The following SETD5 variants were observed in gnomAD, a reference collection of about 807,000 sequenced individuals.
The protein encoded by SETD5 is histone-lysine N-methyltransferase SETD5.
Under a neutral mutation model 153.3 loss-of-function variants are expected in SETD5, and 44 were observed. The ratio of observed to expected loss-of-function variants is 0.29; its 90% CI spans 0.23 to 0.37. The LOEUF (loss-of-function observed/expected upper bound fraction) is 0.37. SETD5 is among the 10% of genes least tolerant of loss of function. SETD5 has a pLI of 1.00. For missense variants in SETD5, 1,544 were observed against 1,768.0 expected (o/e 0.87, Z 2.27); for synonymous variants, 716 against 645.2 (o/e 1.11, Z -1.66).
At chr3:9,453,969 G>A (rs373179534) in intron 17 of SETD5, 101 bp downstream of exon 17, 4 of 1,299,824 alleles carry the variant, frequency 3.1e-6, no homozygotes. Flanking sequence ...GAAATGGCGT[G>A]TTTTCTAAAT....
chr3:9,442,300 C>A, intron 10 of SETD5, 55 bp downstream of exon 10: 1 of 1,247,692 alleles, frequency 8.0e-7, no homozygotes, highest in Non-Finnish European at 1.2e-6. Context: ...GACAAGCTTA[C>A]TGAAGAAGCA....
In SETD5 at chr3:9,464,452, A is replaced by T. The variant is rs1470515860; in HGVS notation, c.2504A>T (p.Lys835Met). 1 of 1,612,200 alleles carries T rather than the reference A, an allele frequency of 6.2e-7. No individual in the cohort carries two copies. Among genetic ancestry groups the T allele is most frequent in the Admixed American group, 1.7e-5 (1 of 60,000 alleles). Residue 835 changes from lysine to methionine, a missense_variant, in exon 18 of 23, where the codon AAG becomes ATG. By Grantham distance (95) the Lys-to-Met change is moderately conservative. Coordinates refer to ENST00000402198, the MANE Select transcript of SETD5 (RefSeq NM_001080517.3). ...TTGTTGAGCCCATTAAAGAAATGGAAGTCTCGCTATCTGATGGAGCAGAAT... is the reference window on the plus strand; with the variant it reads ...TTGTTGAGCCCATTAAAGAAATGGATGTCTCGCTATCTGATGGAGCAGAAT... ...ADLLSPLKKWKSRYLMEQNVT... is the reference protein window; with the variant it reads ...ADLLSPLKKWMSRYLMEQNVT...
intron 1 of SETD5, among the ~76,000 whole-genome samples, chr3:9,407,919 G>C (rs984488388): frequency 3.3e-5 from 5 of 151,822 alleles, no homozygotes; most frequent in Non-Finnish European, 4.4e-5. Context: ...AGAATCGCTC[G>C]AACCCAGGTG....
intron 1 of SETD5, among the ~76,000 whole-genome samples, chr3:9,416,260 T>G (rs1464877604): frequency 6.6e-6 from 1 of 152,184 alleles, no homozygotes; most frequent in Non-Finnish European, 1.5e-5. Context: ...GCCATCTACC[T>G]CAAATGTGAG....
chr3:9,461,515 AAATAATAAT>A (rs970503720), intron 17 of SETD5, among the ~76,000 whole-genome samples: 1 of 152,166 alleles, frequency 6.6e-6, no homozygotes, highest in Admixed American at 6.5e-5. Context: ...TAAAGGTGAA[AAATAATAAT>A]AATAAAAGAT....
At chr3:9,405,472 T>TA (rs1275606743) in intron 1 of SETD5, among the ~76,000 whole-genome samples, 5 of 152,236 alleles carry the variant, frequency 3.3e-5, no homozygotes, top group Admixed American at 3.3e-4. Flanking sequence ...CTGCATAATT[T>TA]ATGTTCTTCA....
chr3:9,448,818 G>A (rs1450619312), intron 16 of SETD5, among the ~76,000 whole-genome samples, 188 bp downstream of exon 16: 1 of 152,154 alleles, frequency 6.6e-6, no homozygotes, highest in Non-Finnish European at 1.5e-5. Flanking sequence ...AGACTGTGGT[G>A]GAATGAATGT....
At chr3:9,420,662 G>A (rs925053596) in intron 1 of SETD5, among the ~76,000 whole-genome samples, 6 of 151,858 alleles carry the variant, frequency 4.0e-5, no homozygotes, top group African/African-American at 9.7e-5. Context: ...TTTCAGTCCC[G>A]AACCCCTAAA....
At position 9,453,730 on chromosome 3, in the gene SETD5, C is replaced by T. The variant is rs369109509; in HGVS notation, c.2347-9C>T. ...TTATTGATAATTCTCTGGTTCTTTT[C>T]AATTATAGCGCTGGATAAAACAAGC... is the stretch of plus-strand genomic sequence containing the variant. On this transcript the variant is annotated splice_polypyrimidine_tract_variant and intron_variant, in intron 16 of 22. Transcript: ENST00000402198. 7.0e-6 allele frequency: 11 copies of T among 1,571,768 alleles called. No homozygotes were observed. Among genetic ancestry groups the T allele is most frequent in the South Asian group, 2.4e-5 (2 of 83,836 alleles).
intron 1 of SETD5, among the ~76,000 whole-genome samples, chr3:9,399,302 ATAT>A (rs2034338326): frequency 6.6e-6 from 1 of 152,196 alleles, no homozygotes; most frequent in South Asian, 2.1e-4. Context: ...TGTTAATTTT[ATAT>A]TATTAATGTT....
chr3:9,416,841 A>G (rs568677665), intron 1 of SETD5, among the ~76,000 whole-genome samples: 2 of 152,284 alleles, frequency 1.3e-5, no homozygotes, highest in South Asian at 4.1e-4. Flanking sequence ...GTTATAGATA[A>G]AATAAGATTG....
At chr3:9,474,751 GAT>G (rs1424290275) in intron 21 of SETD5, 169 bp downstream of exon 21, 8 of 889,598 alleles carry the variant, frequency 9.0e-6, no homozygotes, top group Non-Finnish European at 1.4e-5. Context: ...ACATTTGTAA[GAT>G]CTAGCATTGC....
chr3:9,426,861 A>G (rs139450074), intron 2 of SETD5, among the ~76,000 whole-genome samples: 92 of 152,128 alleles, frequency 6.0e-4, no homozygotes, highest in Non-Finnish European at 1.1e-3. Context: ...GCCCAGCTAT[A>G]TGTCACCTCC....
chr3:9,457,892 A>G (rs1040261475), intron 17 of SETD5, among the ~76,000 whole-genome samples: 2 of 151,750 alleles, frequency 1.3e-5, no homozygotes, highest in African/African-American at 4.8e-5. Context: ...TTGGAATTTG[A>G]TTAAATGATT....
intron 2 of SETD5, among the ~76,000 whole-genome samples, chr3:9,424,743 A>T (rs1036820030): frequency 1.2e-4 from 19 of 152,216 alleles, no homozygotes; most frequent in African/African-American, 4.6e-4. Flanking sequence ...AAAAACAAAC[A>T]AATTATAATA....
chr3:9,474,880 C>G, intron 21 of SETD5, 188 bp from the exon 22 acceptor site: 4 of 627,828 alleles, frequency 6.4e-6, no homozygotes, highest in South Asian at 2.1e-5. Flanking sequence ...GGAATCACAT[C>G]AGGCATTTAG....
intron 7 of SETD5, among the ~76,000 whole-genome samples, chr3:9,439,455 T>C (rs1473633537): frequency 2.0e-5 from 3 of 152,268 alleles, no homozygotes; most frequent in Non-Finnish European, 4.4e-5. Context: ...TTATTGTACC[T>C]GTTTGCAAGT....
At chr3:9,432,244 C>G in intron 3 of SETD5, 1 of 976,266 alleles carries the variant, frequency 1.0e-6, no homozygotes, top group Non-Finnish European at 1.2e-6. Flanking sequence ...ATACTTTCCT[C>G]TGTCTAAAGT....
At chr3:9,407,992 CTA>C (rs2035982905) in intron 1 of SETD5, among the ~76,000 whole-genome samples, 1 of 80,504 alleles carries the variant, frequency 1.2e-5, no homozygotes, top group Non-Finnish European at 2.4e-5. Context: ...AAGAGCAAAA[CTA>C]TGTCTCAAAA....
Sources: allele counts gnomAD v4.1 joint callset (sites outside exome capture counted in the v4.1 genomes callset), GRCh38; gene constraint gnomAD v4.1.1; transcripts MANE v1.5; gene names NCBI Gene and HGNC (gene_info 2026-07-23, HGNC 2026-07-21).